The following MTHFD2L variants were observed in gnomAD, a reference collection of about 807,000 sequenced individuals.
MTHFD2L encodes the protein methylenetetrahydrofolate dehydrogenase (NADP+ dependent) 2 like.
MTHFD2L carries 29 observed loss-of-function variants against 34.9 expected under a neutral mutation model. That is an observed-to-expected ratio of 0.83 (90% confidence interval 0.62 to 1.13). The LOEUF (loss-of-function observed/expected upper bound fraction) is 1.13. MTHFD2L is among the 50% of genes most tolerant of loss of function. The pLI is 0.00. For synonymous variants in MTHFD2L, 167 were observed against 155.7 expected, an observed-to-expected ratio of 1.07 and a Z score of -0.54; for missense variants, 481 against 446.5, an observed-to-expected ratio of 1.08 and a Z score of -0.70.
chr4:74,129,822 AATAG>A (rs1722342822), intron 1 of MTHFD2L, among the ~76,000 whole-genome samples: 1 of 152,128 alleles, frequency 6.6e-6, no homozygotes, highest in Non-Finnish European at 1.5e-5. Flanking sequence ...AGATTAACAA[AATAG>A]ATAGACCACT....
upstream of MTHFD2L, among the ~76,000 whole-genome samples, chr4:74,121,721 C>T (rs539411680): frequency 3.5e-5 from 5 of 141,836 alleles, no homozygotes; most frequent in African/African-American, 7.8e-5. Context: ...ATATATATGG[C>T]GAGTTGTATA....
In MTHFD2L at chr4:74,301,834, T is replaced by C. The variant is rs1578772855; in HGVS notation, c.*25T>C. On this transcript the variant is annotated 3_prime_UTR_variant, in exon 8 of 8. Transcript: ENST00000325278. ...GATCACATGAAAGGATAAAGCAAAC[T>C]GAAGTCATGCTATTTGTTTATTTGA... is the stretch of plus-strand genomic sequence containing the variant. 1 of 1,419,986 alleles carries C rather than the reference T, an allele frequency of 7.0e-7. No individual in the cohort carries two copies. The highest frequency in any genetic ancestry group is 1.2e-5 in the South Asian group (1 of 81,088). The allele number at this position is 1,419,986 out of a possible 1,614,324, so 88.0% of individuals were successfully genotyped here. A position where few individuals can be genotyped will look rare whatever the true frequency, so the allele number is the denominator to read the frequency against.
At chr4:74,146,746 C>T (rs576519040) in intron 1 of MTHFD2L, among the ~76,000 whole-genome samples, 18 of 152,250 alleles carry the variant, frequency 1.2e-4, no homozygotes, top group Middle Eastern at 3.4e-3. Flanking sequence ...CTTTCTCTTG[C>T]GCAACTTTTG....
intron 3 of MTHFD2L, among the ~76,000 whole-genome samples, chr4:74,189,784 A>AT (rs1213363244): frequency 1.3e-5 from 2 of 151,486 alleles, no homozygotes; most frequent in African/African-American, 2.4e-5. Flanking sequence ...TTACTTTTTT[A>AT]TTTTTTTCTT....
chr4:74,161,183 A>AT (rs1725382880), intron 1 of MTHFD2L: 1 of 152,172 alleles, frequency 6.6e-6, no homozygotes, highest in Admixed American at 6.5e-5. Context: ...AAAAATCTAC[A>AT]TTTTTGGAAC....
At position 74,164,119 on chromosome 4, in the gene MTHFD2L, G is replaced by A. The variant is rs188067624; in HGVS notation, c.143+5838G>A. On this transcript the variant is annotated intron_variant, in intron 1 of 7. Coordinates refer to ENST00000325278, the MANE Select transcript of MTHFD2L (RefSeq NM_001144978.3). Reference sequence around the variant, plus strand: ...TCTTGATCTCCTGACTTCGTGATCCGCCCGCCTCAGCCTCCCAAAGTGCTG... The same window carrying A: ...TCTTGATCTCCTGACTTCGTGATCCACCCGCCTCAGCCTCCCAAAGTGCTG... Among the ~76,000 whole-genome samples the A allele has an allele frequency of 1.5e-4, 23 of 152,122 alleles. No homozygotes were observed. In the South Asian group the frequency reaches 1.9e-3, roughly 12 times the overall value.
At chr4:74,144,573 G>C (rs971687951) in intron 1 of MTHFD2L, among the ~76,000 whole-genome samples, 1 of 152,102 alleles carries the variant, frequency 6.6e-6, no homozygotes. Context: ...CTTGTGCTTG[G>C]CATTCATTGA....
intron 5 of MTHFD2L, among the ~76,000 whole-genome samples, chr4:74,211,813 C>T (rs1736372512): frequency 6.6e-6 from 1 of 151,676 alleles, no homozygotes; most frequent in Non-Finnish European, 1.5e-5. Context: ...CCATCTGGTC[C>T]TGTTTTTTTT....
intron 3 of MTHFD2L, among the ~76,000 whole-genome samples, chr4:74,178,981 A>G (rs1309429889): frequency 3.3e-5 from 5 of 152,024 alleles, no homozygotes; most frequent in South Asian, 2.1e-4. Context: ...AGTGTTATCT[A>G]GTGAGTCATG....
chr4:74,116,636 G>A (rs189064967), intron 2 of MTHFD2L, among the ~76,000 whole-genome samples: 3 of 152,240 alleles, frequency 2.0e-5, no homozygotes, highest in East Asian at 1.9e-4. Flanking sequence ...TATCTGATTG[G>A]CATTGTTTTT....
intron 1 of MTHFD2L, among the ~76,000 whole-genome samples, chr4:74,128,519 T>G (rs1722239564): frequency 6.6e-6 from 1 of 152,124 alleles, no homozygotes; most frequent in Non-Finnish European, 1.5e-5. Context: ...AAAAAATGAC[T>G]TGGCTATAAA....
intron 5 of MTHFD2L, among the ~76,000 whole-genome samples, chr4:74,222,023 A>AT (rs1738285190): frequency 6.6e-6 from 1 of 151,842 alleles, no homozygotes; most frequent in African/African-American, 2.4e-5. Flanking sequence ...TGAAAAATAT[A>AT]TATTTTTTTA....
At chr4:74,270,000 A>G (rs559797023) in intron 6 of MTHFD2L, among the ~76,000 whole-genome samples, 1 of 152,276 alleles carries the variant, frequency 6.6e-6, no homozygotes, top group South Asian at 2.1e-4. Context: ...CAAATTTGCT[A>G]CCATGGAGAA....
chr4:74,290,998 C>CTTTTATTTTTTTTTTTTTTT (rs1560565979), intron 7 of MTHFD2L, among the ~76,000 whole-genome samples: 1 of 46,156 alleles, frequency 2.2e-5, no homozygotes, highest in Non-Finnish European at 4.8e-5. Context: ...TTTATTTTTC[C>CTTTTATTTTTTTTTTTTTTT]TTTTCTTTTT....
At chr4:74,167,937 C>T (rs891005528) in intron 1 of MTHFD2L, among the ~76,000 whole-genome samples, 3 of 152,138 alleles carry the variant, frequency 2.0e-5, no homozygotes, top group African/African-American at 7.2e-5. Context: ...CACCCAATCT[C>T]AGTAACTCCC....
upstream of MTHFD2L, among the ~76,000 whole-genome samples, chr4:74,119,331 C>T (rs1482991204): frequency 6.6e-6 from 1 of 152,180 alleles, no homozygotes; most frequent in Non-Finnish European, 1.5e-5. Context: ...TCCTGCACTG[C>T]ACACTTGTCT....
intron 6 of MTHFD2L, among the ~76,000 whole-genome samples, chr4:74,256,472 G>A (rs373589681): frequency 2.6e-5 from 4 of 152,118 alleles, no homozygotes; most frequent in African/African-American, 9.6e-5. Flanking sequence ...CCTTCCCAAG[G>A]CTGATGTTCA....
chr4:74,259,472 AT>A (rs1560538364), intron 6 of MTHFD2L, among the ~76,000 whole-genome samples: 1 of 152,174 alleles, frequency 6.6e-6, no homozygotes, highest in African/African-American at 2.4e-5. Flanking sequence ...CAGGATTATC[AT>A]TCTAGCAGCA....
chr4:74,252,508 T>C (rs775407716), intron 6 of MTHFD2L, among the ~76,000 whole-genome samples: 1 of 152,050 alleles, frequency 6.6e-6, no homozygotes, highest in Non-Finnish European at 1.5e-5. Context: ...AAAGGGATTA[T>C]AGTAATGAGA....
Sources: gnomAD v4.1 joint callset for allele counts (sites outside exome capture counted in the v4.1 genomes callset) on GRCh38, gnomAD v4.1.1 for gene constraint, MANE v1.5 for transcripts, NCBI Gene and HGNC (gene_info 2026-07-23, HGNC 2026-07-21) for gene names.